Variants in MXI1 observed in about 807,000 individuals in gnomAD.
MXI1 encodes the protein max-interacting protein 1.
Under a neutral mutation model 36.9 loss-of-function variants are expected in MXI1, and 18 were observed. The observed-to-expected ratio is 0.49, with a 90% CI of 0.34 to 0.72. MXI1 has a LOEUF of 0.72. Among genes scored for constraint, MXI1 ranks in the 30% least tolerant of loss-of-function variants. The probability of loss-of-function intolerance (pLI) is 0.01; values close to 1 mark genes in which losing one functional copy is unlikely to be tolerated. For synonymous variants in MXI1, 160 were observed against 146.7 expected (o/e 1.09, Z -0.65); for missense variants, 304 against 379.1 (o/e 0.80, Z 1.64).
intron 2 of MXI1, among the ~76,000 whole-genome samples, chr10:110,231,370 C>CG (rs1855254097): frequency 2.0e-5 from 3 of 150,932 alleles, no homozygotes; most frequent in South Asian, 2.1e-4. Context: ...CCACCCCCCC[C>CG]CCCTCAAAAA....
intron 3 of MXI1, 46 bp from the exon 4 acceptor site, chr10:110,279,134 A>G: frequency 3.7e-6 from 5 of 1,353,774 alleles, no homozygotes; most frequent in Non-Finnish European, 5.3e-6. Flanking sequence ...TGATATTTCT[A>G]GTGAAATAAC....
chr10:110,276,521 T>C (rs1242879461), intron 3 of MXI1, among the ~76,000 whole-genome samples: 1 of 152,238 alleles, frequency 6.6e-6, no homozygotes, highest in Non-Finnish European at 1.5e-5. Flanking sequence ...TCTGTTGTCC[T>C]TGATATCTGT....
intron 2 of MXI1, among the ~76,000 whole-genome samples, chr10:110,231,140 G>C (rs1156971051): frequency 6.6e-6 from 1 of 152,196 alleles, no homozygotes; most frequent in Non-Finnish European, 1.5e-5. Context: ...GCTGAGGTAG[G>C]TGGATTGCCT....
At chr10:110,213,117 A>C (rs1439872835) in intron 1 of MXI1, among the ~76,000 whole-genome samples, 1 of 151,930 alleles carries the variant, frequency 6.6e-6, no homozygotes, top group Non-Finnish European at 1.5e-5. Context: ...CTGATCTCCA[A>C]CTCCCTTGGG....
At chr10:110,241,587 T>C (rs1017668505) in intron 2 of MXI1, among the ~76,000 whole-genome samples, 14 of 152,004 alleles carry the variant, frequency 9.2e-5, no homozygotes, top group South Asian at 2.1e-4. Context: ...AACCTTGTAC[T>C]GTCCTCACAG....
intron 1 of MXI1, among the ~76,000 whole-genome samples, chr10:110,209,257 A>T (rs751175351): frequency 6.6e-6 from 1 of 152,032 alleles, no homozygotes; most frequent in Non-Finnish European, 1.5e-5. Flanking sequence ...ATAGGGGGAA[A>T]CCGGGATGTT....
rs562401940 is a variant in MXI1 at position 110,242,627 on chromosome 10, A to G, written c.408-2201A>G. Among the ~76,000 whole-genome samples the G allele has an allele frequency of 9.2e-5, 14 of 152,162 alleles. No individual in the cohort carries two copies. The East Asian group carries it at 2.7e-3, about 29-fold the overall frequency. ...GCTATCATTTTCTTTAAAAAAAGAT[A>G]ATAAAGAAATGTCTGTTTGGCAGGC... On this transcript the variant is annotated intron_variant, in intron 2 of 5. Coordinates refer to ENST00000332674, the MANE Select transcript of MXI1 (RefSeq NM_130439.3).
intron 2 of MXI1, among the ~76,000 whole-genome samples, chr10:110,241,492 T>C (rs904874234): frequency 2.0e-5 from 3 of 151,970 alleles, no homozygotes; most frequent in African/African-American, 7.2e-5. Flanking sequence ...GTGATACATT[T>C]AATTACTTGT....
intron 1 of MXI1, among the ~76,000 whole-genome samples, chr10:110,216,176 C>T (rs112904296): frequency 0.052 from 7,888 of 152,194 alleles, 318 homozygotes; most frequent in Middle Eastern, 0.15. Flanking sequence ...TTCAGGTGAC[C>T]CTTGGTTTGA....
At chr10:110,257,940 A>G (rs1856376745) in intron 3 of MXI1, 1 of 157,354 alleles carries the variant, frequency 6.4e-6, no homozygotes, top group Admixed American at 6.4e-5. Flanking sequence ...ATTTCTAATT[A>G]ACAATGAAAT....
intron 2 of MXI1, among the ~76,000 whole-genome samples, chr10:110,237,401 T>C (rs1207991485): frequency 1.3e-5 from 2 of 152,224 alleles, no homozygotes; most frequent in Non-Finnish European, 2.9e-5. Context: ...CATGAATGGA[T>C]GGTAAATTTT....
At chr10:110,273,449 T>C (rs992757496) in intron 3 of MXI1, among the ~76,000 whole-genome samples, 1 of 152,182 alleles carries the variant, frequency 6.6e-6, no homozygotes, top group African/African-American at 2.4e-5. Flanking sequence ...ATGCTTTTGA[T>C]ATATCAGGAT....
chr10:110,217,056 A>C (rs1253428445), intron 1 of MXI1, among the ~76,000 whole-genome samples: 1 of 152,042 alleles, frequency 6.6e-6, no homozygotes, highest in African/African-American at 2.4e-5. Context: ...AAACTGTGTA[A>C]GCAACCTTGT....
At chr10:110,216,057 C>A (rs1316361989) in intron 1 of MXI1, among the ~76,000 whole-genome samples, 3 of 152,298 alleles carry the variant, frequency 2.0e-5, no homozygotes, top group South Asian at 2.1e-4. Context: ...TCTTTGTGGT[C>A]AAAAATAATG....
At chr10:110,250,183 C>T (rs1217234660) in intron 3 of MXI1, among the ~76,000 whole-genome samples, 1 of 152,044 alleles carries the variant, frequency 6.6e-6, no homozygotes, top group Non-Finnish European at 1.5e-5. Context: ...CTGATATCTG[C>T]CCAAATCCTT....
intron 3 of MXI1, among the ~76,000 whole-genome samples, chr10:110,263,145 T>G (rs752001309): frequency 1.3e-5 from 2 of 152,190 alleles, no homozygotes; most frequent in Non-Finnish European, 2.9e-5. Flanking sequence ...TTTCGTTAGA[T>G]TCAGAGAAAA....
chr10:110,272,535 A>G (rs974108396), intron 3 of MXI1, among the ~76,000 whole-genome samples: 1 of 152,286 alleles, frequency 6.6e-6, no homozygotes, highest in Admixed American at 6.5e-5. Context: ...AGGTATATAT[A>G]GCCTATGCTA....
intron 1 of MXI1, among the ~76,000 whole-genome samples, chr10:110,217,928 C>T (rs2134332699): frequency 6.6e-6 from 1 of 152,290 alleles, no homozygotes; most frequent in Non-Finnish European, 1.5e-5. Flanking sequence ...CAGCACAATG[C>T]TACGTGCTTT....
chr10:110,261,160 A>C (rs1258986889), intron 3 of MXI1: 4 of 982,830 alleles, frequency 4.1e-6, no homozygotes, highest in African/African-American at 1.7e-5. Flanking sequence ...GTATGTTGGA[A>C]TCTTTCTTCC....
Sources: gnomAD v4.1 joint callset for allele counts (sites outside exome capture counted in the v4.1 genomes callset) on GRCh38, gnomAD v4.1.1 for gene constraint, MANE v1.5 for transcripts, NCBI Gene and HGNC (gene_info 2026-07-23, HGNC 2026-07-21) for gene names.